The following PPP1R12B variants were observed in gnomAD, a reference collection of about 807,000 sequenced individuals.
The protein encoded by PPP1R12B is protein phosphatase 1 regulatory subunit 12B, also known as myosin phosphatase target subunit 2.
PPP1R12B carries 76 observed loss-of-function variants against 126.1 expected under a neutral mutation model. The observed-to-expected ratio is 0.60, with a 90% CI of 0.50 to 0.73. The LOEUF (loss-of-function observed/expected upper bound fraction) is 0.73. Ranked by LOEUF, PPP1R12B falls within the 30% of genes least tolerant of loss-of-function variation. The pLI, the probability that PPP1R12B is intolerant of heterozygous loss-of-function variation, is 0.00. For synonymous variants in PPP1R12B, 356 were observed against 434.7 expected, an observed-to-expected ratio of 0.82 and a Z score of 2.25; for missense variants, 1,052 against 1,205.1, an observed-to-expected ratio of 0.87 and a Z score of 1.88.
rs753817901 is a variant in PPP1R12B, at chr1:202,422,646, T to C, written c.449T>C (p.Val150Ala). The C allele has an allele frequency of 6.2e-7, 1 of 1,613,662 alleles. No homozygotes were observed. Among genetic ancestry groups the C allele is most frequent in the African/African-American group, 1.3e-5 (1 of 74,892 alleles). Residue 150 changes from valine to alanine, a missense_variant, in exon 3 of 24, where the codon GTA (valine) becomes GCA (alanine). By Grantham distance (64) the Val-to-Ala change is moderately conservative (BLOSUM62 0). Transcript: ENST00000608999. Reference sequence around the variant, plus strand: ...TATTTCATTAATCACGGAGCCAGTGTAGGTATTGTCAATAGTGAAGGTGAA... The same window carrying C: ...TATTTCATTAATCACGGAGCCAGTGCAGGTATTGTCAATAGTGAAGGTGAA... ...AEYFINHGAS[V>A]GIVNSEGEVP...
At chr1:202,362,513 C>T (rs1468751079) in intron 1 of PPP1R12B, among the ~76,000 whole-genome samples, 9 of 152,286 alleles carry the variant, frequency 5.9e-5, no homozygotes, top group Admixed American at 5.9e-4. Flanking sequence ...ACTGCTAGAA[C>T]TCTAAGTGCT....
chr1:202,353,629 T>TGTGAGA lies in PPP1R12B; in HGVS notation c.291+4488_291+4489insTGAGAG, dbSNP rs540599307. On this transcript the variant is annotated intron_variant, in intron 1 of 23. Coordinates refer to ENST00000608999, the MANE Select transcript of PPP1R12B (RefSeq NM_002481.4). ...GTGTGTGTGTGTGTGTGTGTGTGTG[T>TGTGAGA]GACAGGGTCTTGCCCTGTTACCCAG... 9.6e-3 allele frequency among the ~76,000 whole-genome samples: 1,332 copies of TGTGAGA among 138,174 alleles called. 41 individuals carry two copies. Among genetic ancestry groups the TGTGAGA allele is most frequent in the Admixed American group, 0.061 (778 of 12,828 alleles). 90.6% of individuals were successfully genotyped at this position (138,174 alleles called of 152,430 possible).
At chr1:202,427,746 G>A (rs978957214) in intron 5 of PPP1R12B, among the ~76,000 whole-genome samples, 4 of 151,990 alleles carry the variant, frequency 2.6e-5, no homozygotes, top group Non-Finnish European at 4.4e-5. Flanking sequence ...TCAAGTTCAC[G>A]CCATTCTCCT....
intron 13 of PPP1R12B, 67 bp from the exon 14 acceptor site, chr1:202,488,466 A>G (rs2148837849): frequency 2.4e-6 from 3 of 1,238,166 alleles, no homozygotes; most frequent in Middle Eastern, 2.1e-4. Flanking sequence ...ATGTGGAAAC[A>G]CTTTGTCATT....
intron 18 of PPP1R12B, among the ~76,000 whole-genome samples, chr1:202,517,372 T>C (rs1682271819): frequency 2.0e-5 from 3 of 152,188 alleles, no homozygotes; most frequent in South Asian, 4.1e-4. Context: ...CACATTACAG[T>C]GTTCCAGACT....
chr1:202,527,084 G>A (rs889096802), intron 18 of PPP1R12B, among the ~76,000 whole-genome samples: 28 of 148,642 alleles, frequency 1.9e-4, no homozygotes, highest in East Asian at 1.5e-3. Flanking sequence ...AAAGATAAAA[G>A]CAGAAATTAA....
At chr1:202,441,287 A>G (rs1671579867) in intron 11 of PPP1R12B, among the ~76,000 whole-genome samples, 1 of 152,248 alleles carries the variant, frequency 6.6e-6, no homozygotes, top group Non-Finnish European at 1.5e-5. Context: ...AACCTTAGCC[A>G]GCGGTATTGG....
chr1:202,577,605 C>T (rs1689207523), intron 23 of PPP1R12B, among the ~76,000 whole-genome samples: 1 of 151,126 alleles, frequency 6.6e-6, no homozygotes, highest in Non-Finnish European at 1.5e-5. Flanking sequence ...GAAAAATCAT[C>T]TTATCTCAGC....
chr1:202,464,717 G>T (rs557402415), intron 13 of PPP1R12B, among the ~76,000 whole-genome samples: 1 of 152,256 alleles, frequency 6.6e-6, no homozygotes, highest in South Asian at 2.1e-4. Context: ...GATCTATAGG[G>T]AATATTAGAT....
At chr1:202,370,146 A>G (rs1659967018) in intron 1 of PPP1R12B, 1 of 243,608 alleles carries the variant, frequency 4.1e-6, no homozygotes, top group South Asian at 4.6e-5. Flanking sequence ...CATCACCCAT[A>G]TTTAATTCTG....
At chr1:202,409,503 G>A (rs1369169282) in intron 1 of PPP1R12B, among the ~76,000 whole-genome samples, 3 of 151,648 alleles carry the variant, frequency 2.0e-5, no homozygotes, top group Non-Finnish European at 4.4e-5. Flanking sequence ...TTGTATTTTA[G>A]TAGAGACAGG....
chr1:202,384,587 G>T (rs993749072), intron 1 of PPP1R12B, among the ~76,000 whole-genome samples: 1 of 152,170 alleles, frequency 6.6e-6, no homozygotes, highest in Non-Finnish European at 1.5e-5. Context: ...AATGGAACAG[G>T]GTTTCTCTTT....
chr1:202,574,832 G>T, intron 23 of PPP1R12B: 1 of 563,876 alleles, frequency 1.8e-6, no homozygotes, highest in Non-Finnish European at 3.1e-6. Context: ...CCTTCCACCT[G>T]CCACCCATTT....
intron 3 of PPP1R12B, among the ~76,000 whole-genome samples, chr1:202,423,211 A>G (rs1255564862): frequency 6.6e-6 from 1 of 152,200 alleles, no homozygotes; most frequent in African/African-American, 2.4e-5. Context: ...TTAGAATAAT[A>G]TATTCTAAAA....
chr1:202,492,130 C>T (rs1419645998), intron 14 of PPP1R12B, among the ~76,000 whole-genome samples: 1 of 152,084 alleles, frequency 6.6e-6, no homozygotes, highest in Non-Finnish European at 1.5e-5. Flanking sequence ...TCTTTAAAAC[C>T]CAGTGTTCGG....
intron 1 of PPP1R12B, among the ~76,000 whole-genome samples, chr1:202,407,810 T>A (rs1666824988): frequency 6.6e-6 from 1 of 152,180 alleles, no homozygotes; most frequent in Non-Finnish European, 1.5e-5. Flanking sequence ...TTATCACCTT[T>A]AATTTATTTG....
rs1689971136 is a variant in PPP1R12B at position 202,588,757 on chromosome 1, G to T, written c.*8197G>T. 1 of 151,976 alleles carries T rather than the reference G, an allele frequency of 6.6e-6. No homozygotes were observed. Among genetic ancestry groups the T allele is most frequent in the Admixed American group, 6.6e-5 (1 of 15,252 alleles). The allele number at this position is 151,976 out of a possible 1,614,324, so 9.4% of individuals were successfully genotyped here. A position where few individuals can be genotyped will look rare whatever the true frequency, so the allele number is the denominator to read the frequency against. ...TGGCCACTGAGAAGGGTCTCTGGTA[G>T]TATCAAGGAATTTCCTAAATGGAGT... On this transcript the variant is annotated 3_prime_UTR_variant, in exon 24 of 24. Transcript: ENST00000608999.
intron 13 of PPP1R12B, among the ~76,000 whole-genome samples, chr1:202,453,081 G>A (rs1480429333): frequency 6.6e-6 from 1 of 152,138 alleles, no homozygotes; most frequent in Non-Finnish European, 1.5e-5. Flanking sequence ...AAGGCTTTCA[G>A]TTTTTCGCCA....
At chr1:202,493,063 G>A (rs767813447) in intron 14 of PPP1R12B, 51 bp from the exon 15 acceptor site, 13 of 1,555,166 alleles carry the variant, frequency 8.4e-6, no homozygotes, top group East Asian at 2.2e-5. Flanking sequence ...TCAATCAAGA[G>A]TTATTCCATG....
Sources: allele counts gnomAD v4.1 joint callset (sites outside exome capture counted in the v4.1 genomes callset), GRCh38; gene constraint gnomAD v4.1.1; transcripts MANE v1.5; gene names NCBI Gene and HGNC (gene_info 2026-07-23, HGNC 2026-07-21).